The following ST8SIA1 variants were observed in gnomAD, a reference collection of about 807,000 sequenced individuals.
The protein encoded by ST8SIA1 is ST8 alpha-N-acetyl-neuraminide alpha-2,8-sialyltransferase 1, also known as alpha-N-acetylneuraminide alpha-2,8-sialyltransferase.
In ST8SIA1, 16 loss-of-function variants were observed where a neutral mutation model predicts 35.9. That is an observed-to-expected ratio of 0.45 (90% CI 0.30 to 0.68). ST8SIA1 has a LOEUF of 0.68. Ranked by LOEUF, ST8SIA1 falls within the 30% of genes least tolerant of loss-of-function variation. The pLI is 0.09. For missense variants in ST8SIA1, 383 were observed against 453.6 expected, an observed-to-expected ratio of 0.84 and a Z score of 1.41; for synonymous variants, 170 against 169.6, an observed-to-expected ratio of 1.00 and a Z score of -0.02.
In ST8SIA1 at chr12:22,201,520, C is replaced by A. The variant is rs1209268234; in HGVS notation, c.*32G>T. Reference sequence around the variant, plus strand: ...TCACATAGAAAACCTAACAAAAATACCCTGGTTCAGTCCTTTCTTCTTCCA... The same window carrying A: ...TCACATAGAAAACCTAACAAAAATAACCTGGTTCAGTCCTTTCTTCTTCCA... On this transcript the variant is annotated 3_prime_UTR_variant, in exon 5 of 5. Transcript: ENST00000396037. 1 of 1,557,230 alleles carries A rather than the reference C, an allele frequency of 6.4e-7. No individual in the cohort carries two copies. Among genetic ancestry groups the A allele is most frequent in the Non-Finnish European group, 8.7e-7 (1 of 1,155,540 alleles).
At chr12:22,213,171 C>G (rs1230913133) in intron 4 of ST8SIA1, among the ~76,000 whole-genome samples, 3 of 152,088 alleles carry the variant, frequency 2.0e-5, no homozygotes, top group Non-Finnish European at 4.4e-5. Context: ...ATCAGCCGCA[C>G]CCATTCCCTA....
chr12:22,278,797 A>C (rs185059291), intron 2 of ST8SIA1, among the ~76,000 whole-genome samples: 4 of 152,258 alleles, frequency 2.6e-5, no homozygotes, highest in African/African-American at 9.6e-5. Context: ...GGCAAGAAAA[A>C]AAACCTATGC....
intron 2 of ST8SIA1, among the ~76,000 whole-genome samples, chr12:22,269,683 C>A (rs750035913): frequency 6.6e-6 from 1 of 152,118 alleles, no homozygotes; most frequent in African/African-American, 2.4e-5. Flanking sequence ...AGCTGAGAAA[C>A]GGGAGTATCA....
In ST8SIA1 at chr12:22,301,006, C is replaced by CA. The variant is rs1321955792; in HGVS notation, c.237-13714dup. ...TTCCAAAATTATGAGACACTCCTAT[C>CA]ATTCTGATATGACTTAGTGTACATT... On this transcript the variant is annotated intron_variant, in intron 1 of 4. Coordinates refer to ENST00000396037, the MANE Select transcript of ST8SIA1 (RefSeq NM_003034.4). Among the ~76,000 whole-genome samples the CA allele has an allele frequency of 5.3e-5, 8 of 152,154 alleles. No individual in the cohort carries two copies. In the East Asian group the frequency reaches 1.5e-3, roughly 29 times the overall value.
intron 4 of ST8SIA1, among the ~76,000 whole-genome samples, chr12:22,222,125 T>C (rs368724669): frequency 6.6e-6 from 1 of 152,350 alleles, no homozygotes; most frequent in East Asian, 1.9e-4. Context: ...TTTAACAAAC[T>C]TAAGTAAACA....
intron 1 of ST8SIA1, among the ~76,000 whole-genome samples, chr12:22,296,971 C>T (rs756029350): frequency 3.9e-5 from 6 of 152,220 alleles, no homozygotes; most frequent in African/African-American, 1.2e-4. Context: ...AACCATTTCT[C>T]GAATATACGT....
At chr12:22,295,741 C>T (rs1321778531) in intron 1 of ST8SIA1, among the ~76,000 whole-genome samples, 3 of 152,034 alleles carry the variant, frequency 2.0e-5, no homozygotes, top group Non-Finnish European at 4.4e-5. Flanking sequence ...CAGAACCAAC[C>T]AACAAAAAGA....
chr12:22,265,890 TA>T (rs34852606), intron 2 of ST8SIA1, among the ~76,000 whole-genome samples: 9 of 146,994 alleles, frequency 6.1e-5, no homozygotes, highest in African/African-American at 1.0e-4. Flanking sequence ...ACTTTTCTAA[TA>T]AAAAAAAAAG....
chr12:22,230,730 G>A (rs1019806833), intron 4 of ST8SIA1, among the ~76,000 whole-genome samples: 1 of 152,114 alleles, frequency 6.6e-6, no homozygotes, highest in African/African-American at 2.4e-5. Context: ...ATCTTGAATA[G>A]AGTAGAGACT....
chr12:22,202,679 T>C (rs1309688324), intron 4 of ST8SIA1, among the ~76,000 whole-genome samples: 1 of 152,150 alleles, frequency 6.6e-6, no homozygotes, highest in Non-Finnish European at 1.5e-5. Flanking sequence ...AAGATACAAA[T>C]AAGTACAATA....
intron 4 of ST8SIA1, among the ~76,000 whole-genome samples, chr12:22,216,601 T>C (rs1865235975): frequency 6.6e-6 from 1 of 152,350 alleles, no homozygotes; most frequent in Non-Finnish European, 1.5e-5. Context: ...TTTATTTTTA[T>C]CAAGGTACTT....
chr12:22,323,774 A>C (rs1227779532), intron 1 of ST8SIA1, among the ~76,000 whole-genome samples: 2 of 152,202 alleles, frequency 1.3e-5, no homozygotes, highest in Non-Finnish European at 2.9e-5. Context: ...CAAACACTGT[A>C]TGTTCTCACT....
At chr12:22,221,070 C>T (rs1865293557) in intron 4 of ST8SIA1, among the ~76,000 whole-genome samples, 1 of 152,160 alleles carries the variant, frequency 6.6e-6, no homozygotes, top group South Asian at 2.1e-4. Context: ...CCTGGGCATT[C>T]CCTTCAGCCA....
chr12:22,325,463 G>A (rs1475722749), intron 1 of ST8SIA1: 1 of 702,052 alleles, frequency 1.4e-6, no homozygotes, highest in Non-Finnish European at 2.6e-6. Flanking sequence ...GCCACAGCTA[G>A]AAGACAGTTC....
chr12:22,307,104 CTTTG>C (rs1866394142), intron 1 of ST8SIA1, among the ~76,000 whole-genome samples: 1 of 151,864 alleles, frequency 6.6e-6, no homozygotes, highest in South Asian at 2.1e-4. Context: ...TTTTCTAATG[CTTTG>C]TTTGGTCTCT....
In ST8SIA1 at chr12:22,285,823, T is replaced by C. The variant is rs548507796; in HGVS notation, c.381+1326A>G. The stretch of plus-strand genomic sequence containing the variant: ...AGGTGGAGGTTGCAGTGACCCAAGA[T>C]CATGCTACTGCACTCAAGCCCAGGC... On this transcript the variant is annotated intron_variant, in intron 2 of 4. Transcript: ENST00000396037. 6.8e-5 allele frequency among the ~76,000 whole-genome samples: 9 copies of C among 132,342 alleles called. 1 individual carries two copies. In the South Asian group the frequency reaches 2.2e-3, roughly 32 times the overall value. The allele number at this position is 132,342 out of a possible 152,430, so 86.8% of individuals were successfully genotyped here.
At chr12:22,220,543 G>A (rs1396153878) in intron 4 of ST8SIA1, among the ~76,000 whole-genome samples, 8 of 152,134 alleles carry the variant, frequency 5.3e-5, no homozygotes, top group Admixed American at 5.2e-4. Flanking sequence ...ATGTGCAAAA[G>A]TCTAACTTTT....
intron 4 of ST8SIA1, among the ~76,000 whole-genome samples, chr12:22,218,936 C>T (rs1217525402): frequency 6.6e-6 from 1 of 151,954 alleles, no homozygotes; most frequent in Non-Finnish European, 1.5e-5. Context: ...AAAGGGAATA[C>T]CAAAGAATCT....
chr12:22,243,571 G>T (rs546932782), intron 4 of ST8SIA1, among the ~76,000 whole-genome samples: 1 of 100,686 alleles, frequency 9.9e-6, no homozygotes, highest in Non-Finnish European at 2.2e-5. Flanking sequence ...TATGAATGCA[G>T]TCTCAGCTGT....
Sources: allele counts gnomAD v4.1 joint callset (sites outside exome capture counted in the v4.1 genomes callset), GRCh38; gene constraint gnomAD v4.1.1; transcripts MANE v1.5; gene names NCBI Gene and HGNC (gene_info 2026-07-23, HGNC 2026-07-21).